Variants in RBFOX1 observed in about 807,000 individuals in gnomAD.
RBFOX1 encodes the protein RNA binding protein fox-1 homolog 1.
Under a neutral mutation model 57.7 loss-of-function variants are expected in RBFOX1, and 8 were observed. That is an observed-to-expected ratio of 0.14 (90% CI 0.08 to 0.25). The LOEUF is 0.25. Among genes scored for constraint, RBFOX1 ranks in the 10% least tolerant of loss-of-function variants. The pLI, the probability that RBFOX1 is intolerant of heterozygous loss-of-function variation, is 1.00. For synonymous variants in RBFOX1, 326 were observed against 222.4 expected (o/e 1.47, Z -4.15); for missense variants, 611 against 548.5 (o/e 1.11, Z -1.14).
intron 3 of RBFOX1, among the ~76,000 whole-genome samples, chr16:6,978,642 C>T (rs562006561): frequency 2.6e-5 from 4 of 152,150 alleles, no homozygotes; most frequent in Middle Eastern, 6.8e-3. Flanking sequence ...TTTTAATGTC[C>T]TCATGATGAT....
chr16:7,703,276 C>T (rs2081360541), intron 14 of RBFOX1, among the ~76,000 whole-genome samples: 1 of 152,216 alleles, frequency 6.6e-6, no homozygotes, highest in Admixed American at 6.5e-5. Context: ...CCTGGTGAGA[C>T]ATCCCATTTT....
At chr16:5,832,566 A>G (rs2056315322) in intron 3 of RBFOX1, among the ~76,000 whole-genome samples, 1 of 152,242 alleles carries the variant, frequency 6.6e-6, no homozygotes, top group Admixed American at 6.5e-5. Flanking sequence ...AACACATGTT[A>G]GCTGTCACTG....
At chr16:6,747,481 T>A (rs1438517329) in intron 3 of RBFOX1, among the ~76,000 whole-genome samples, 1 of 151,988 alleles carries the variant, frequency 6.6e-6, no homozygotes, top group Non-Finnish European at 1.5e-5. Context: ...TCTGTTTATC[T>A]ATCTGTCTAT....
intron 4 of RBFOX1, among the ~76,000 whole-genome samples, chr16:7,442,737 C>G (rs945708869): frequency 2.0e-5 from 3 of 152,250 alleles, no homozygotes; most frequent in East Asian, 3.9e-4. Flanking sequence ...TCAACCGGAA[C>G]GAGAAAGACC....
intron 1 of RBFOX1, among the ~76,000 whole-genome samples, chr16:6,117,905 C>G (rs985673367): frequency 6.6e-6 from 1 of 152,110 alleles, no homozygotes; most frequent in Non-Finnish European, 1.5e-5. Context: ...ATATTTTCTT[C>G]TAAACACAGT....
intron 3 of RBFOX1, among the ~76,000 whole-genome samples, chr16:6,879,952 G>C (rs974231413): frequency 6.6e-6 from 1 of 151,980 alleles, no homozygotes; most frequent in Non-Finnish European, 1.5e-5. Flanking sequence ...TCTTCTATCT[G>C]TTCAGTGGCA....
chr16:6,153,161 A>T (rs4786087), intron 1 of RBFOX1, among the ~76,000 whole-genome samples: 3 of 151,370 alleles, frequency 2.0e-5, no homozygotes, highest in Non-Finnish European at 2.9e-5. Flanking sequence ...ACCCATCACC[A>T]GAGCAGTATA....
intron 4 of RBFOX1, among the ~76,000 whole-genome samples, chr16:7,389,945 TA>T (rs2097964416): frequency 6.6e-6 from 1 of 152,136 alleles, no homozygotes; most frequent in Non-Finnish European, 1.5e-5. Flanking sequence ...CTGGGTAATT[TA>T]TAAAGGAAAG....
At chr16:5,350,756 C>T (rs1245054625) in intron 1 of RBFOX1, among the ~76,000 whole-genome samples, 1 of 152,196 alleles carries the variant, frequency 6.6e-6, no homozygotes, top group African/African-American at 2.4e-5. Flanking sequence ...ACCCCAGCTA[C>T]TCAGGAGACT....
At chr16:6,359,628 C>G (rs116156613) in intron 2 of RBFOX1, among the ~76,000 whole-genome samples, 1 of 152,196 alleles carries the variant, frequency 6.6e-6, no homozygotes, top group Non-Finnish European at 1.5e-5. Context: ...AAACATCAGA[C>G]CAACATGTCC....
chr16:6,128,381 G>C (rs73527960), intron 1 of RBFOX1, among the ~76,000 whole-genome samples: 23,614 of 152,178 alleles, frequency 0.16, 1,955 homozygotes, highest in Admixed American at 0.26. Context: ...ATACCAGGTT[G>C]GTCCTCAGAC....
At chr16:5,891,140 C>G (rs1350323176) in intron 4 of RBFOX1, among the ~76,000 whole-genome samples, 1 of 152,174 alleles carries the variant, frequency 6.6e-6, no homozygotes, top group Non-Finnish European at 1.5e-5. Context: ...AGTTCTGCCT[C>G]TCTACCCTCC....
At chr16:7,025,031 G>A (rs78260730) in intron 3 of RBFOX1, among the ~76,000 whole-genome samples, 130 of 152,236 alleles carry the variant, frequency 8.5e-4, no homozygotes, top group Admixed American at 1.8e-3. Context: ...CCAAGAGAGC[G>A]TTCTCAGATC....
rs562447823 is a variant in RBFOX1 at position 6,349,177 on chromosome 16, T to C, written c.-64+32120T>C. Among the ~76,000 whole-genome samples the C allele has an allele frequency of 2.6e-5, 4 of 152,280 alleles. No homozygotes were observed. In the South Asian group the frequency reaches 8.3e-4, roughly 32 times the overall value. On this transcript the variant is annotated intron_variant, in intron 2 of 15. Transcript: ENST00000550418. ...CACATACTTATTTTGAGCTGAATTT[T>C]AGACAGGTTTAGAGCAGCCAGAAAA...
At position 7,225,919 on chromosome 16, in the gene RBFOX1, T is replaced by TATATAA. The variant is rs1315130232; in HGVS notation, c.27+173822_27+173823insTATAAA. Among the ~76,000 whole-genome samples the TATATAA allele has an allele frequency of 1.4e-3, 195 of 142,144 alleles. 2 individuals carry two copies. The highest frequency in any genetic ancestry group is 2.6e-3 in the Non-Finnish European group (169 of 65,866). The allele number at this position is 142,144 out of a possible 152,430, so 93.3% of individuals were successfully genotyped here. Reference sequence around the variant, plus strand: ...AAAGTATAATAAATATATATATATATAAATGTGAATGTCATGTTTCTGAGA... The same window carrying TATATAA: ...AAAGTATAATAAATATATATATATATATATAAAAATGTGAATGTCATGTTTCTGAGA... On this transcript the variant is annotated intron_variant, in intron 4 of 15. Coordinates refer to ENST00000550418, the MANE Select transcript of RBFOX1 (RefSeq NM_018723.4).
chr16:6,229,609 C>A (rs550865355), intron 1 of RBFOX1, among the ~76,000 whole-genome samples: 1 of 151,586 alleles, frequency 6.6e-6, no homozygotes, highest in South Asian at 2.1e-4. Flanking sequence ...ATAGTACTGA[C>A]TGAAGAGGAA....
chr16:6,501,805 C>G (rs937655692), intron 2 of RBFOX1, among the ~76,000 whole-genome samples: 2 of 146,180 alleles, frequency 1.4e-5, no homozygotes, highest in Non-Finnish European at 3.0e-5. Context: ...TTCCTCCAGG[C>G]TCTTTGCTGA....
intron 4 of RBFOX1, among the ~76,000 whole-genome samples, chr16:7,277,388 C>T (rs527969460): frequency 6.6e-6 from 1 of 152,148 alleles, no homozygotes; most frequent in Non-Finnish European, 1.5e-5. Flanking sequence ...TGCCTACCTC[C>T]ATCTCCCACC....
intron 4 of RBFOX1, among the ~76,000 whole-genome samples, chr16:7,285,128 T>C (rs1395268671): frequency 6.8e-6 from 1 of 147,008 alleles, no homozygotes; most frequent in Non-Finnish European, 1.5e-5. Context: ...TTATCCTTTA[T>C]AGCATTTACC....
Sources: allele counts gnomAD v4.1 joint callset (sites outside exome capture counted in the v4.1 genomes callset), GRCh38; gene constraint gnomAD v4.1.1; transcripts MANE v1.5; gene names NCBI Gene and HGNC (gene_info 2026-07-23, HGNC 2026-07-21).